Variants in RBMS2 observed in about 807,000 individuals in gnomAD.
RBMS2 encodes the protein RNA-binding motif, single-stranded-interacting protein 2.
Under a neutral mutation model 58.4 loss-of-function variants are expected in RBMS2, and 38 were observed. The ratio of observed to expected loss-of-function variants is 0.65; its 90% CI spans 0.50 to 0.85. The LOEUF is 0.85. Among genes scored for constraint, RBMS2 ranks in the 40% least tolerant of loss-of-function variants. The probability of loss-of-function intolerance (pLI) is 0.00; values close to 1 mark genes in which losing one functional copy is unlikely to be tolerated. For missense variants in RBMS2, 367 were observed against 503.7 expected (o/e 0.73, Z 2.60); for synonymous variants, 151 against 180.7 (o/e 0.84, Z 1.32).
chr12:56,562,413 G>T lies in RBMS2; in HGVS notation c.67-4G>T. On this transcript the variant is annotated splice_polypyrimidine_tract_variant and splice_region_variant and intron_variant, in intron 1 of 13. Transcript: ENST00000262031. ...TTCTACCTCTTCCTCATGTCTCCCT[G>T]CAGCCATATGTGTCATTGGCTCAGC... The T allele has an allele frequency of 6.3e-7, 1 of 1,599,308 alleles. No homozygotes were observed. The highest frequency in any genetic ancestry group is 1.1e-5 in the South Asian group (1 of 90,730).
rs1473865870 is a variant in RBMS2, at chr12:56,590,057, G to GACT, written c.*926_*928dup. ...CACCCTTGAGCCAAACTTGGTTGAA[G>GACT]ACTAGGTCTTCCCTGGCAAGTTCCG... On this transcript the variant is annotated 3_prime_UTR_variant, in exon 14 of 14. Coordinates refer to ENST00000262031, the MANE Select transcript of RBMS2 (RefSeq NM_002898.4). 1 of 152,264 alleles carries GACT rather than the reference G, an allele frequency of 6.6e-6. No homozygotes were observed. Among genetic ancestry groups the GACT allele is most frequent in the African/African-American group, 2.4e-5 (1 of 41,458 alleles). 9.4% of individuals were successfully genotyped at this position (152,264 alleles called of 1,614,324 possible). A position where few individuals can be genotyped will look rare whatever the true frequency, so the allele number is the denominator to read the frequency against.
chr12:56,529,575 C>CAAT (rs1168388298), intron 1 of RBMS2, among the ~76,000 whole-genome samples: 2 of 149,072 alleles, frequency 1.3e-5, no homozygotes, highest in Non-Finnish European at 3.0e-5. Context: ...ACAACAACAA[C>CAAT]AATAACAACA....
Position 56,591,122 on chromosome 12 carries a change from G to T in RBMS2, c.*1989G>T. On this transcript the variant is annotated 3_prime_UTR_variant, in exon 14 of 14. Coordinates refer to ENST00000262031, the MANE Select transcript of RBMS2 (RefSeq NM_002898.4). ...CCAGTCACTCCCTTATGCACTGAAAGGAGAATTTGACTCCCTTGCACTTCA... is the reference window on the plus strand; with the variant it reads ...CCAGTCACTCCCTTATGCACTGAAATGAGAATTTGACTCCCTTGCACTTCA... 1 of 152,304 alleles carries T rather than the reference G, an allele frequency of 6.6e-6. No homozygotes were observed. 9.4% of individuals were successfully genotyped at this position (152,304 alleles called of 1,614,324 possible).
At chr12:56,537,485 C>T (rs1875129864) in intron 1 of RBMS2, among the ~76,000 whole-genome samples, 1 of 152,156 alleles carries the variant, frequency 6.6e-6, no homozygotes, top group African/African-American at 2.4e-5. Context: ...GTAATGTCCT[C>T]GTGGTTCACC....
At chr12:56,560,637 C>A (rs897049893) in intron 1 of RBMS2, among the ~76,000 whole-genome samples, 11 of 152,280 alleles carry the variant, frequency 7.2e-5, no homozygotes, top group Admixed American at 5.2e-4. Flanking sequence ...TCAAGCAATT[C>A]TCTCACCTCA....
intron 1 of RBMS2, among the ~76,000 whole-genome samples, chr12:56,538,112 A>G (rs569150679): frequency 6.6e-6 from 1 of 151,794 alleles, no homozygotes; most frequent in Non-Finnish European, 1.5e-5. Flanking sequence ...GGCTCATTGC[A>G]ACCTCCACCT....
In RBMS2 at chr12:56,589,380, C is replaced by CA; in HGVS notation, c.*254dup. On this transcript the variant is annotated 3_prime_UTR_variant, in exon 14 of 14. Transcript: ENST00000262031. ...TTTTGTGTGCTACATTCAAGGAGAT[C>CA]AAAAAAACTTTTCTTCTTTTGCAAA... 3 of 1,048,822 alleles carry CA rather than the reference C, an allele frequency of 2.9e-6. No homozygotes were observed. Among genetic ancestry groups the CA allele is most frequent in the Non-Finnish European group, 3.6e-6 (3 of 836,524 alleles). 65.0% of individuals were successfully genotyped at this position (1,048,822 alleles called of 1,614,324 possible).
At chr12:56,539,714 G>C (rs777499659) in intron 1 of RBMS2, 39 of 450,586 alleles carry the variant, frequency 8.7e-5, no homozygotes, top group Admixed American at 4.1e-4. Context: ...TTGTTGCCCA[G>C]ACTGGAGTGC....
intron 1 of RBMS2, among the ~76,000 whole-genome samples, chr12:56,555,225 T>C (rs79767784): frequency 0.054 from 8,277 of 152,046 alleles, 743 homozygotes; most frequent in African/African-American, 0.19. Context: ...TTTTGTTTTT[T>C]TTTAATTGTC....
chr12:56,572,419 G>A (rs1399869542), intron 5 of RBMS2, among the ~76,000 whole-genome samples: 15 of 151,480 alleles, frequency 9.9e-5, no homozygotes, highest in Admixed American at 9.2e-4. Flanking sequence ...TTGAACATCT[G>A]GGCTCAAGTG....
rs147916141 is a variant in RBMS2 at position 56,534,704 on chromosome 12, C to A, written c.66+12615C>A. ...TCGCCCAGGCTGGAGTGCAGTGGCA[C>A]GTTCTCGGCTCACTGCAACCTCCGC... On this transcript the variant is annotated intron_variant, in intron 1 of 13. Coordinates refer to ENST00000262031, the MANE Select transcript of RBMS2 (RefSeq NM_002898.4). Among the ~76,000 whole-genome samples the A allele has an allele frequency of 3.9e-3, 597 of 152,240 alleles. 4 individuals carry two copies. The highest frequency in any genetic ancestry group is 0.014 in the African/African-American group (568 of 41,540).
chr12:56,570,016 C>T, intron 4 of RBMS2, 26 bp downstream of exon 4: 1 of 1,576,178 alleles, frequency 6.3e-7, no homozygotes, highest in Non-Finnish European at 8.7e-7. Flanking sequence ...CATGTCTGTT[C>T]CTCCAAGGGG....
At position 56,581,101 on chromosome 12, in the gene RBMS2, C is replaced by T. The variant is rs111245410; in HGVS notation, c.543-83C>T. ...TTTGGAGCAGTTGTGGGGCTGGGAA[C>T]TTAGAGCTTTGCTTTCTCTTTCAAT... On this transcript the variant is annotated intron_variant, in intron 5 of 13. Coordinates refer to ENST00000262031, the MANE Select transcript of RBMS2 (RefSeq NM_002898.4). The T allele has an allele frequency of 4.5e-4, 529 of 1,176,088 alleles. 4 individuals carry two copies. In the African/African-American group the frequency reaches 7.1e-3, roughly 16 times the overall value. 72.9% of individuals were successfully genotyped at this position (1,176,088 alleles called of 1,614,324 possible).
intron 9 of RBMS2, among the ~76,000 whole-genome samples, chr12:56,584,057 AC>A (rs1416658850): frequency 1.3e-5 from 2 of 152,200 alleles, no homozygotes; most frequent in Non-Finnish European, 2.9e-5. Flanking sequence ...TGCATGTCCA[AC>A]AAGTTCCCAG....
At position 56,567,441 on chromosome 12, in the gene RBMS2, GAAGAAGAAGAAGA is replaced by G. The variant is rs1490690121; in HGVS notation, c.234-1521_234-1509del. Among the ~76,000 whole-genome samples the G allele has an allele frequency of 6.6e-5, 10 of 151,128 alleles. No homozygotes were observed. The South Asian group carries it at 1.5e-3, about 22-fold the overall frequency. ...AGGAGAAGAGGAAGAGGAAGGAGAGGAAGAAGAAGAAGAAAGAAGAAGAAGGAAGAAGAAGAAG... is the reference window on the plus strand; with the variant it reads ...AGGAGAAGAGGAAGAGGAAGGAGAGGAAGAAGAAGAAGGAAGAAGAAGAAG... On this transcript the variant is annotated intron_variant, in intron 2 of 13. Transcript: ENST00000262031.
In RBMS2 at chr12:56,581,457, C is replaced by T. The variant is rs778567233; in HGVS notation, c.681C>T (p.Asn227=). The change falls in exon 7 of 14, where the codon AAC becomes AAT. Residue 227 remains asparagine (N), a synonymous_variant. Transcript: ENST00000262031. The stretch of plus-strand genomic sequence containing the variant: ...ATGGCGGGCCAAAGAAACGACAGAA[C>T]CAAGGAAAATTTGTGCAAAATGGAC... ...FADGGPKKRQ[N]QGKFVQNGRA... is the part of the protein sequence containing the mutation. 6.2e-7 allele frequency: 1 copy of T among 1,614,132 alleles called. No individual in the cohort carries two copies. The highest frequency in any genetic ancestry group is 1.1e-5 in the South Asian group (1 of 91,080).
intron 1 of RBMS2, among the ~76,000 whole-genome samples, chr12:56,561,669 G>A (rs985430159): frequency 1.4e-5 from 2 of 143,810 alleles, no homozygotes; most frequent in Non-Finnish European, 1.5e-5. Context: ...ACTGCACCTG[G>A]CTAATTTTTT....
rs746973374 is a variant in RBMS2, at chr12:56,571,862, A to G, written c.542+7A>G. 1 of 1,529,728 alleles carries G rather than the reference A, an allele frequency of 6.5e-7. No homozygotes were observed. The highest frequency in any genetic ancestry group is 8.8e-7 in the Non-Finnish European group (1 of 1,134,000). 94.8% of individuals were successfully genotyped at this position (1,529,728 alleles called of 1,614,324 possible). The stretch of plus-strand genomic sequence containing the variant: ...GAGGTGTTGGCTTTGCAAGGTGAGG[A>G]TGGCAGGAGTGGGGAAATGATGAGG... On this transcript the variant is annotated splice_region_variant and intron_variant, in intron 5 of 13. Coordinates refer to ENST00000262031, the MANE Select transcript of RBMS2 (RefSeq NM_002898.4).
rs1882019234 is a variant in RBMS2 at position 56,569,996 on chromosome 12, G to T, written c.384+6G>T. The T allele has an allele frequency of 2.5e-6, 4 of 1,603,620 alleles. No individual in the cohort carries two copies. The highest frequency in any genetic ancestry group is 3.4e-6 in the Non-Finnish European group (4 of 1,170,520). On this transcript the variant is annotated splice_donor_region_variant and intron_variant, in intron 4 of 13. Transcript: ENST00000262031. ...TACAGGCACAGATGGCAAAGGTAAG[G>T]GTACTACCCCATGTCTGTTCCTCCA...
Sources: allele counts gnomAD v4.1 joint callset (sites outside exome capture counted in the v4.1 genomes callset), GRCh38; gene constraint gnomAD v4.1.1; transcripts MANE v1.5; gene names NCBI Gene and HGNC (gene_info 2026-07-23, HGNC 2026-07-21).